The following PALLD variants were observed in gnomAD, a reference collection of about 807,000 sequenced individuals.
The protein encoded by PALLD is palladin.
In PALLD, 61 loss-of-function variants were observed where a neutral mutation model predicts 123.5. The ratio of observed to expected loss-of-function variants is 0.49; its 90% CI spans 0.40 to 0.61. The LOEUF is 0.61. PALLD is among the 20% of genes least tolerant of loss of function. The pLI is 0.00. For synonymous variants in PALLD, 465 were observed against 496.4 expected (o/e 0.94, Z 0.84); for missense variants, 1,273 against 1,377.0 (o/e 0.92, Z 1.20).
chr4:168,564,312 G>A (rs532668896), intron 2 of PALLD, among the ~76,000 whole-genome samples: 2 of 152,290 alleles, frequency 1.3e-5, no homozygotes, highest in South Asian at 2.1e-4. Context: ...CTCAAGTGAG[G>A]TGACCTATTC....
intron 8 of PALLD, among the ~76,000 whole-genome samples, chr4:168,701,106 C>G (rs754128130): frequency 6.6e-6 from 1 of 152,126 alleles, no homozygotes; most frequent in African/African-American, 2.4e-5. Flanking sequence ...CCTAAAATTG[C>G]TTTAAGGTGG....
chr4:168,597,086 G>C (rs929973671), intron 2 of PALLD, among the ~76,000 whole-genome samples: 1 of 152,116 alleles, frequency 6.6e-6, no homozygotes, highest in Non-Finnish European at 1.5e-5. Flanking sequence ...AGAGATAATT[G>C]TGTTACAGTC....
chr4:168,587,847 T>C (rs948550417), intron 2 of PALLD, among the ~76,000 whole-genome samples: 1 of 151,968 alleles, frequency 6.6e-6, no homozygotes, highest in Non-Finnish European at 1.5e-5. Context: ...AGATGATTCA[T>C]TAAAATACAG....
intron 10 of PALLD, among the ~76,000 whole-genome samples, chr4:168,719,209 A>G (rs1032232667): frequency 2.7e-5 from 4 of 148,538 alleles, no homozygotes; most frequent in Non-Finnish European, 5.9e-5. Context: ...CCCAGCCACC[A>G]GTCTAAGTTT....
At chr4:168,694,788 G>T (rs917028992) in intron 8 of PALLD, among the ~76,000 whole-genome samples, 6 of 152,214 alleles carry the variant, frequency 3.9e-5, no homozygotes, top group South Asian at 2.1e-4. Flanking sequence ...ACAGAAGTCA[G>T]CTTGCATCAC....
chr4:168,635,176 C>T (rs909507985), intron 2 of PALLD, among the ~76,000 whole-genome samples: 9 of 152,158 alleles, frequency 5.9e-5, no homozygotes, highest in African/African-American at 2.2e-4. Flanking sequence ...ACAGTGTATC[C>T]ATGTCTCTTG....
rs183796511 is a variant in PALLD at position 168,653,743 on chromosome 4, C to T, written c.909-14447C>T. Among the ~76,000 whole-genome samples the T allele has an allele frequency of 6.4e-4, 98 of 152,242 alleles. 2 individuals are homozygous for T. The South Asian group carries it at 0.013, about 21-fold the overall frequency. On this transcript the variant is annotated intron_variant, in intron 2 of 21. Coordinates refer to ENST00000505667, the MANE Select transcript of PALLD (RefSeq NM_001166108.2). ...TTCTTTCTTTTTTGAGACAGAGTCT[C>T]ATCTGGAGACTCCCAGGCTGGAGTG...
intron 10 of PALLD, among the ~76,000 whole-genome samples, chr4:168,820,291 CTAT>C (rs1488424032): frequency 1.3e-5 from 2 of 152,212 alleles, no homozygotes; most frequent in Non-Finnish European, 1.5e-5. Context: ...GTGTGCAGTG[CTAT>C]TATTCTCATT....
chr4:168,887,942 G>A (rs1018487857), intron 10 of PALLD, among the ~76,000 whole-genome samples: 1 of 152,142 alleles, frequency 6.6e-6, no homozygotes, highest in Non-Finnish European at 1.5e-5. Flanking sequence ...CATGGTAAGG[G>A]AGAGACAATA....
In PALLD at chr4:168,927,194, A is replaced by G. The variant is rs575081713; in HGVS notation, c.*1014A>G. 10 of 230,460 alleles carry G rather than the reference A, an allele frequency of 4.3e-5. No individual in the cohort carries two copies. The highest frequency in any genetic ancestry group is 6.9e-5 in the Non-Finnish European group (8 of 116,044). 14.3% of individuals were successfully genotyped at this position (230,460 alleles called of 1,614,324 possible). A position where few individuals can be genotyped will look rare whatever the true frequency, so the allele number is the denominator to read the frequency against. On this transcript the variant is annotated 3_prime_UTR_variant, in exon 22 of 22. Transcript: ENST00000505667. ...GGCATATATAGTATTTGGAGGAATC[A>G]GGGGTTTGGAAGGAGTAGGGAGGAG...
intron 15 of PALLD, among the ~76,000 whole-genome samples, chr4:168,906,550 T>G (rs746913573): frequency 1.3e-5 from 2 of 152,210 alleles, no homozygotes; most frequent in Non-Finnish European, 2.9e-5. Context: ...TCATTCCATA[T>G]TACATACATA....
intron 10 of PALLD, among the ~76,000 whole-genome samples, chr4:168,771,076 CAAAAAAAAA>C (rs201127407): frequency 8.1e-5 from 3 of 36,840 alleles, no homozygotes; most frequent in Non-Finnish European, 1.3e-4. Context: ...AAAAAAAAAA[CAAAAAAAAA>C]ACCTTAGTTT....
intron 17 of PALLD, among the ~76,000 whole-genome samples, chr4:168,918,681 G>A (rs1009460293): frequency 8.6e-5 from 13 of 151,856 alleles, no homozygotes; most frequent in African/African-American, 2.2e-4. Context: ...GGTTTTAAGT[G>A]TTCTTACTAC....
intron 10 of PALLD, among the ~76,000 whole-genome samples, chr4:168,851,542 A>G (rs975907952): frequency 8.6e-5 from 13 of 151,960 alleles, no homozygotes; most frequent in Admixed American, 2.0e-4. Context: ...TAATTTTTGT[A>G]TTTTTAATAG....
chr4:168,602,283 C>T (rs1227130917), intron 2 of PALLD, among the ~76,000 whole-genome samples: 1 of 152,180 alleles, frequency 6.6e-6, no homozygotes, highest in Non-Finnish European at 1.5e-5. Context: ...TTGTTGAATG[C>T]CTACTAAGGG....
At chr4:168,535,138 C>T (rs1457511450) in intron 2 of PALLD, among the ~76,000 whole-genome samples, 1 of 152,154 alleles carries the variant, frequency 6.6e-6, no homozygotes, top group African/African-American at 2.4e-5. Context: ...AATACTACAT[C>T]ATTTTATATT....
intron 10 of PALLD, among the ~76,000 whole-genome samples, chr4:168,826,437 C>T (rs928964543): frequency 1.3e-5 from 2 of 152,190 alleles, no homozygotes; most frequent in African/African-American, 4.8e-5. Flanking sequence ...TACATCTCCG[C>T]TCCTCCCCTT....
chr4:168,600,082 T>C (rs200966852), intron 2 of PALLD, among the ~76,000 whole-genome samples: 5 of 107,656 alleles, frequency 4.6e-5, no homozygotes, highest in South Asian at 5.5e-4. Context: ...TACACACACA[T>C]ATATACATGC....
intron 1 of PALLD, among the ~76,000 whole-genome samples, chr4:168,510,699 T>C (rs538267105): frequency 6.6e-6 from 1 of 152,368 alleles, no homozygotes; most frequent in South Asian, 2.1e-4. Flanking sequence ...AATTCAAATA[T>C]GAGTGTCCAT....
Sources: gnomAD v4.1 joint callset for allele counts (sites outside exome capture counted in the v4.1 genomes callset) on GRCh38, gnomAD v4.1.1 for gene constraint, MANE v1.5 for transcripts, NCBI Gene and HGNC (gene_info 2026-07-23, HGNC 2026-07-21) for gene names.